LMO4: variants seen among roughly 807,000 people sequenced by gnomAD.
The protein encoded by LMO4 is LIM domain only 4.
Under a neutral mutation model 18.5 loss-of-function variants are expected in LMO4, and 3 were observed. The ratio of observed to expected loss-of-function variants is 0.16; its 90% confidence interval spans 0.07 to 0.42. The LOEUF (loss-of-function observed/expected upper bound fraction) is 0.42, where lower values mean the gene tolerates loss of function less well. LMO4 is among the 10% of genes least tolerant of loss of function. The pLI, the probability that LMO4 is intolerant of heterozygous loss-of-function variation, is 0.99. For synonymous variants in LMO4, 100 were observed against 88.1 expected, an observed-to-expected ratio of 1.14 and a Z score of -0.76; for missense variants, 121 against 219.9, an observed-to-expected ratio of 0.55 and a Z score of 2.84.
At chr1:87,331,862 CTCA>C in intron 1 of LMO4, 148 bp from the exon 2 acceptor site, 1 of 625,478 alleles carries the variant, frequency 1.6e-6, no homozygotes, top group Non-Finnish European at 2.8e-6. Context: ...CCCTCTCCCC[CTCA>C]GCCTCCTTCC....
At chr1:87,335,652 T>G (rs1650287059) in intron 2 of LMO4, among the ~76,000 whole-genome samples, 1 of 152,090 alleles carries the variant, frequency 6.6e-6, no homozygotes, top group Admixed American at 6.5e-5. Flanking sequence ...GCGTTAGGAA[T>G]GGAGGCGCCG....
chr1:87,339,745 T>G (rs1650419552), intron 3 of LMO4, 113 bp downstream of exon 3: 3 of 728,700 alleles, frequency 4.1e-6, no homozygotes, highest in East Asian at 5.4e-5. Flanking sequence ...TGCAGACACT[T>G]GAAGGAATGA....
chr1:87,340,368 T>A (rs1244883269), intron 4 of LMO4, among the ~76,000 whole-genome samples, 166 bp downstream of exon 4: 1 of 152,234 alleles, frequency 6.6e-6, no homozygotes, highest in African/African-American at 2.4e-5. Flanking sequence ...GATAGCTGAT[T>A]AAATTGTGAA....
chr1:87,332,658 C>A (rs1020862503), intron 2 of LMO4, among the ~76,000 whole-genome samples: 2 of 152,194 alleles, frequency 1.3e-5, no homozygotes, highest in Non-Finnish European at 2.9e-5. Flanking sequence ...CTTAAAAATA[C>A]AAGTGTAGTT....
intron 4 of LMO4, among the ~76,000 whole-genome samples, chr1:87,344,515 T>C (rs1303816946): frequency 6.6e-6 from 1 of 152,164 alleles, no homozygotes; most frequent in Non-Finnish European, 1.5e-5. Flanking sequence ...CTTAACAGAG[T>C]TAAGCAATTA....
intron 2 of LMO4, among the ~76,000 whole-genome samples, chr1:87,335,270 G>C (rs1360410059): frequency 2.6e-5 from 4 of 152,218 alleles, no homozygotes; most frequent in African/African-American, 4.8e-5. Context: ...GGCGCGGAAA[G>C]TGCAGCGAGA....
In LMO4 at chr1:87,347,679, G is replaced by A. The variant is rs983860127; in HGVS notation, c.*2883G>A. 1 of 151,850 alleles carries A rather than the reference G, an allele frequency of 6.6e-6. No homozygotes were observed. Among genetic ancestry groups the A allele is most frequent in the Admixed American group, 6.6e-5 (1 of 15,264 alleles). The allele number at this position is 151,850 out of a possible 1,614,324, so 9.4% of individuals were successfully genotyped here. ...CCTGATAAAAAAAATTATGTTTATG[G>A]TACATATAAATGTCTCAATCATGCA... is the stretch of plus-strand genomic sequence containing the variant. On this transcript the variant is annotated 3_prime_UTR_variant, in exon 5 of 5. Coordinates refer to ENST00000370544, the MANE Select transcript of LMO4 (RefSeq NM_006769.4).
chr1:87,329,343 C>G (rs1358708463), intron 1 of LMO4, 99 bp downstream of exon 1: 1 of 152,294 alleles, frequency 6.6e-6, no homozygotes, highest in Non-Finnish European at 1.5e-5. Context: ...CTTCCCCTGA[C>G]CGTCCCAAAT....
chr1:87,341,738 G>A (rs11161982), intron 4 of LMO4, among the ~76,000 whole-genome samples: 2,318 of 152,250 alleles, frequency 0.015, 51 homozygotes, highest in African/African-American at 0.054. Context: ...AATATGGGGA[G>A]CTACATAGAA....
chr1:87,331,233 C>T (rs1650135439), intron 1 of LMO4: 1 of 152,124 alleles, frequency 6.6e-6, no homozygotes, highest in Non-Finnish European at 1.5e-5. Flanking sequence ...CCAGAGAAAA[C>T]ACTCATTGAT....
At chr1:87,341,501 C>T (rs1422342108) in intron 4 of LMO4, among the ~76,000 whole-genome samples, 4 of 152,008 alleles carry the variant, frequency 2.6e-5, no homozygotes, top group Non-Finnish European at 5.9e-5. Flanking sequence ...TCAAAAATCT[C>T]GGGGAAAAAA....
chr1:87,339,835 A>G (rs1011213135), intron 3 of LMO4, among the ~76,000 whole-genome samples: 2 of 152,142 alleles, frequency 1.3e-5, no homozygotes, highest in Non-Finnish European at 2.9e-5. Context: ...ACAGAAGTAC[A>G]CATGTATTTG....
intron 2 of LMO4, among the ~76,000 whole-genome samples, chr1:87,337,117 A>G (rs1185457033): frequency 1.3e-5 from 2 of 152,222 alleles, no homozygotes; most frequent in East Asian, 3.9e-4. Flanking sequence ...AGCTGTAGGC[A>G]TGGAAAGATC....
At chr1:87,331,845 C>A (rs1014346968) in intron 1 of LMO4, 168 bp from the exon 2 acceptor site, 5 of 583,926 alleles carry the variant, frequency 8.6e-6, no homozygotes, top group South Asian at 2.3e-5. Flanking sequence ...GGCGAGCCTC[C>A]CTTCTTCCCT....
rs1382838606 is a variant in LMO4, at chr1:87,348,006, C to T, written c.*3210C>T. ...AATATTACCTGTATTTAAATTCTTT[C>T]TTTTGCCCTTATTAACACTGATATT... On this transcript the variant is annotated 3_prime_UTR_variant, in exon 5 of 5. Transcript: ENST00000370544. 2 of 152,168 alleles carry T rather than the reference C, an allele frequency of 1.3e-5. No individual in the cohort carries two copies. The highest frequency in any genetic ancestry group is 2.4e-5 in the African/African-American group (1 of 41,444). The allele number at this position is 152,168 out of a possible 1,614,324, so 9.4% of individuals were successfully genotyped here. A position where few individuals can be genotyped will look rare whatever the true frequency, so the allele number is the denominator to read the frequency against.
At chr1:87,342,037 C>G (rs1253849261) in intron 4 of LMO4, among the ~76,000 whole-genome samples, 4 of 152,216 alleles carry the variant, frequency 2.6e-5, no homozygotes, top group African/African-American at 9.6e-5. Context: ...CTTCTCTCCA[C>G]TCCTTCTGAT....
chr1:87,340,237 G>GTA, intron 4 of LMO4, 35 bp downstream of exon 4: 1 of 1,606,408 alleles, frequency 6.2e-7, no homozygotes, highest in Non-Finnish European at 8.5e-7. Flanking sequence ...AGCTTTATTA[G>GTA]AGCAAGTTGG....
chr1:87,339,688 A>G, intron 3 of LMO4, 56 bp downstream of exon 3: 1 of 1,081,076 alleles, frequency 9.3e-7, no homozygotes, highest in Non-Finnish European at 1.4e-6. Flanking sequence ...TTTCCTACCT[A>G]CATGGGGGCA....
chr1:87,341,860 A>C (rs944446699), intron 4 of LMO4, among the ~76,000 whole-genome samples: 1 of 152,180 alleles, frequency 6.6e-6, no homozygotes, highest in Non-Finnish European at 1.5e-5. Context: ...ATGCTTAAAG[A>C]TTTTTGTGAT....
Sources: gnomAD v4.1 joint callset for allele counts (sites outside exome capture counted in the v4.1 genomes callset) on GRCh38, gnomAD v4.1.1 for gene constraint, MANE v1.5 for transcripts, NCBI Gene and HGNC (gene_info 2026-07-23, HGNC 2026-07-21) for gene names.